The following BNC1 variants were observed in gnomAD, a reference collection of about 807,000 sequenced individuals.
The protein encoded by BNC1 is zinc finger protein basonuclin-1.
Under a neutral mutation model 66.5 loss-of-function variants are expected in BNC1, and 8 were observed. The observed-to-expected ratio is 0.12, with a 90% CI of 0.07 to 0.22. The LOEUF is 0.22. Ranked by LOEUF, BNC1 falls within the 10% of genes least tolerant of loss-of-function variation. The probability of loss-of-function intolerance (pLI) is 1.00; values close to 1 mark genes in which losing one functional copy is unlikely to be tolerated. For synonymous variants in BNC1, 454 were observed against 452.6 expected (o/e 1.00, Z -0.04); for missense variants, 1,069 against 1,241.3 (o/e 0.86, Z 2.09).
chr15:83,260,003 C>T (rs936790545), intron 4 of BNC1, among the ~76,000 whole-genome samples: 24 of 152,286 alleles, frequency 1.6e-4, no homozygotes, highest in Admixed American at 6.5e-4. Flanking sequence ...CTCTTGGCTT[C>T]TATTTTGATT....
intron 1 of BNC1, among the ~76,000 whole-genome samples, chr15:83,269,948 T>C (rs1434868115): frequency 2.0e-5 from 3 of 152,218 alleles, no homozygotes; most frequent in Non-Finnish European, 4.4e-5. Flanking sequence ...GAAAATATTA[T>C]GTACTAAGTG....
intron 1 of BNC1, among the ~76,000 whole-genome samples, chr15:83,282,369 C>T (rs1051524261): frequency 6.6e-6 from 1 of 152,226 alleles, no homozygotes; most frequent in Non-Finnish European, 1.5e-5. Context: ...TTTTAACCAT[C>T]TGAAAGTATG....
chr15:83,260,166 T>C (rs985420361), intron 4 of BNC1, among the ~76,000 whole-genome samples: 4 of 152,198 alleles, frequency 2.6e-5, no homozygotes, highest in African/African-American at 7.2e-5. Context: ...GTGGAGTTTT[T>C]CAGAGGCTAC....
At chr15:83,279,031 A>G (rs2038353757) in intron 1 of BNC1, among the ~76,000 whole-genome samples, 1 of 152,226 alleles carries the variant, frequency 6.6e-6, no homozygotes, top group South Asian at 2.1e-4. Flanking sequence ...ACCAACTGTA[A>G]TATAAAGTTT....
At chr15:83,258,342 G>A (rs552534221) in intron 4 of BNC1, among the ~76,000 whole-genome samples, 13 of 152,326 alleles carry the variant, frequency 8.5e-5, no homozygotes, top group African/African-American at 2.6e-4. Context: ...CAGGAAAGCC[G>A]ACAGTCTGGA....
At chr15:83,273,840 A>C (rs2038292621) in intron 1 of BNC1, among the ~76,000 whole-genome samples, 1 of 152,204 alleles carries the variant, frequency 6.6e-6, no homozygotes, top group Non-Finnish European at 1.5e-5. Context: ...CTAGGCACAT[A>C]GTTGGGTATA....
At chr15:83,258,253 A>C (rs2038104963) in intron 4 of BNC1, 127 bp from the exon 5 acceptor site, 2 of 970,958 alleles carry the variant, frequency 2.1e-6, no homozygotes, top group Non-Finnish European at 3.0e-6. Context: ...ATAAGGGGGT[A>C]GGCCCCCATG....
At chr15:83,284,415 C>T in intron 1 of BNC1, 115 bp downstream of exon 1, 1 of 623,170 alleles carries the variant, frequency 1.6e-6, no homozygotes, top group Non-Finnish European at 2.0e-6. Context: ...AGGTAGCCAG[C>T]TGGCCCTCGG....
chr15:83,281,532 A>G (rs2151440810), intron 1 of BNC1, among the ~76,000 whole-genome samples: 1 of 152,340 alleles, frequency 6.6e-6, no homozygotes, highest in East Asian at 1.9e-4. Context: ...CCCACTCTAA[A>G]TGACATCTGT....
In BNC1 at chr15:83,257,620, G is replaced by GTCT; in HGVS notation, c.2804_2806dup (p.Lys935dup). On this transcript the variant is annotated inframe_insertion, in exon 5 of 5. Transcript: ENST00000345382. Reference sequence around the variant, plus strand: ...CCTAAAGGTCCCTTTGTTACTGTATGTCTTTTGGCAGAGATGACAGGTTAT... The same window carrying GTCT: ...CCTAAAGGTCCCTTTGTTACTGTATGTCTTCTTTTGGCAGAGATGACAGGTTAT... The GTCT allele has an allele frequency of 1.9e-6, 3 of 1,614,130 alleles. No homozygotes were observed. Among genetic ancestry groups the GTCT allele is most frequent in the Non-Finnish European group, 2.5e-6 (3 of 1,180,024 alleles).
At position 83,256,352 on chromosome 15, in the gene BNC1, C is replaced by T. The variant is rs957515618; in HGVS notation, c.*1090G>A. 4 of 152,528 alleles carry T rather than the reference C, an allele frequency of 2.6e-5. No individual in the cohort carries two copies. The highest frequency in any genetic ancestry group is 4.4e-5 in the Non-Finnish European group (3 of 68,040). 9.4% of individuals were successfully genotyped at this position (152,528 alleles called of 1,614,324 possible). A position where few individuals can be genotyped will look rare whatever the true frequency, so the allele number is the denominator to read the frequency against. ...TATGTAACAGTGTGGAATATATTTC[C>T]GAATAAGTTAAATATTAAGACATAC... On this transcript the variant is annotated 3_prime_UTR_variant, in exon 5 of 5. Transcript: ENST00000345382.
At position 83,275,491 on chromosome 15, in the gene BNC1, C is replaced by CAAAA. The variant is rs35785505; in HGVS notation, c.100-7263_100-7260dup. The stretch of plus-strand genomic sequence containing the variant: ...AGCCTGGGCGACAGAGACTCCATCT[C>CAAAA]AAAAAAAAAAAAAAAAAACTAAGAA... On this transcript the variant is annotated intron_variant, in intron 1 of 4. Coordinates refer to ENST00000345382, the MANE Select transcript of BNC1 (RefSeq NM_001717.4). 4.8e-3 allele frequency among the ~76,000 whole-genome samples: 400 copies of CAAAA among 82,886 alleles called. 6 individuals are homozygous for CAAAA. Among genetic ancestry groups the CAAAA allele is most frequent in the Middle Eastern group, 0.016 (2 of 128 alleles). 54.4% of individuals were successfully genotyped at this position (82,886 alleles called of 152,430 possible).
At chr15:83,273,728 C>A (rs145753975) in intron 1 of BNC1, among the ~76,000 whole-genome samples, 1 of 152,284 alleles carries the variant, frequency 6.6e-6, no homozygotes, top group African/African-American at 2.4e-5. Context: ...CTCCTGGACC[C>A]ACTTGGTCTC....
At chr15:83,272,775 ATTT>A (rs1567194870) in intron 1 of BNC1, among the ~76,000 whole-genome samples, 1 of 152,070 alleles carries the variant, frequency 6.6e-6, no homozygotes, top group Non-Finnish European at 1.5e-5. Flanking sequence ...ACTGAAACTT[ATTT>A]TTTGCATCTC....
chr15:83,277,263 G>A (rs2038332952), intron 1 of BNC1, among the ~76,000 whole-genome samples: 2 of 152,194 alleles, frequency 1.3e-5, no homozygotes, highest in South Asian at 2.1e-4. Context: ...TGTTTTTATA[G>A]AGACGGGGGT....
At chr15:83,261,842 A>G (rs544268973) in intron 4 of BNC1, among the ~76,000 whole-genome samples, 1 of 152,314 alleles carries the variant, frequency 6.6e-6, no homozygotes, top group East Asian at 1.9e-4. Flanking sequence ...AAAACCTTCA[A>G]TCAAGCAGTG....
At chr15:83,276,983 G>GA (rs891220147) in intron 1 of BNC1, among the ~76,000 whole-genome samples, 3 of 152,056 alleles carry the variant, frequency 2.0e-5, no homozygotes, top group Admixed American at 6.6e-5. Context: ...ATTCTCAGTG[G>GA]AAAAAAATCG....
chr15:83,257,516 G>A lies in BNC1; in HGVS notation c.2911C>T (p.Arg971Cys), dbSNP rs766072426. The change falls in exon 5 of 5, where the codon CGC becomes TGC. Residue 971 changes from arginine to cysteine, a missense_variant. This residue lies in a region of BNC1 where 657 missense variants were observed against 715.8 expected (regional missense o/e 0.92). Coordinates refer to ENST00000345382, the MANE Select transcript of BNC1 (RefSeq NM_001717.4). ...PGCNTMFSSV[R>C]SRNRHSQNPN... is the part of the protein sequence containing the mutation. ...TTCTGGCTGTGTCTGTTTCGACTGCGAACAGACGAAAACATGGTGTTGCAG... is the reference window on the plus strand; with the variant it reads ...TTCTGGCTGTGTCTGTTTCGACTGCAAACAGACGAAAACATGGTGTTGCAG... 8.1e-6 allele frequency: 13 copies of A among 1,614,050 alleles called. No homozygotes were observed. Among genetic ancestry groups the A allele is most frequent in the Admixed American group, 5.0e-5 (3 of 60,000 alleles).
chr15:83,283,515 G>A (rs909230177), intron 1 of BNC1: 1 of 985,250 alleles, frequency 1.0e-6, no homozygotes, highest in African/African-American at 1.7e-5. Context: ...CAGGCTGGGC[G>A]GGACTGTTAA....
Sources: gnomAD v4.1 joint callset for allele counts (sites outside exome capture counted in the v4.1 genomes callset) on GRCh38, gnomAD v4.1.1 for gene constraint, gnomAD v4.1.1 regional missense constraint, MANE v1.5 for transcripts, NCBI Gene and HGNC (gene_info 2026-07-23, HGNC 2026-07-21) for gene names.